Variants in RNF220 observed in about 807,000 individuals in gnomAD.
The protein encoded by RNF220 is E3 ubiquitin-protein ligase RNF220.
Under a neutral mutation model 67.1 loss-of-function variants are expected in RNF220, and 7 were observed. That is an observed-to-expected ratio of 0.10 (90% CI 0.06 to 0.20). The LOEUF (loss-of-function observed/expected upper bound fraction) is 0.20. Among genes scored for constraint, RNF220 ranks in the 10% least tolerant of loss-of-function variants. The pLI is 1.00. For synonymous variants in RNF220, 270 were observed against 283.2 expected, an observed-to-expected ratio of 0.95 and a Z score of 0.47; for missense variants, 565 against 740.3, an observed-to-expected ratio of 0.76 and a Z score of 2.75.
At position 44,645,602 on chromosome 1, in the gene RNF220, T is replaced by C; in HGVS notation, c.1445+114T>C. On this transcript the variant is annotated intron_variant, in intron 12 of 14. Transcript: ENST00000361799. The surrounding 1 kb of genome is among the most constrained non-coding windows in gnomAD (Gnocchi z 5.0). Reference sequence around the variant, plus strand: ...TCTGGCCCTCCCAAGTGCAGCTCAGTGCTGCTGCCCTGGGCACACGGCCGG... The same window carrying C: ...TCTGGCCCTCCCAAGTGCAGCTCAGCGCTGCTGCCCTGGGCACACGGCCGG... 4 of 1,039,622 alleles carry C rather than the reference T, an allele frequency of 3.8e-6. No homozygotes were observed. The South Asian group carries it at 5.7e-5, about 15-fold the overall frequency. 64.4% of individuals were successfully genotyped at this position (1,039,622 alleles called of 1,614,324 possible).
chr1:44,631,031 A>C (rs1198730184), intron 5 of RNF220, among the ~76,000 whole-genome samples: 1 of 152,224 alleles, frequency 6.6e-6, no homozygotes, highest in Non-Finnish European at 1.5e-5. Flanking sequence ...GAGAGCTCGT[A>C]AGATTATGTA....
chr1:44,650,131 TC>T lies in RNF220; in HGVS notation c.1629+178del. 2 of 659,398 alleles carry T rather than the reference TC, an allele frequency of 3.0e-6. No individual in the cohort carries two copies. The highest frequency in any genetic ancestry group is 5.1e-6 in the Non-Finnish European group (2 of 390,008). 40.8% of individuals were successfully genotyped at this position (659,398 alleles called of 1,614,324 possible). Reference sequence around the variant, plus strand: ...TTACCCCCAGGCTCGCTGCCTCTCCTCCCCAACTGCAGGTTTAGGAACTTCT... The same window carrying T: ...TTACCCCCAGGCTCGCTGCCTCTCCTCCCAACTGCAGGTTTAGGAACTTCT... On this transcript the variant is annotated intron_variant, in intron 14 of 14. Coordinates refer to ENST00000361799, the MANE Select transcript of RNF220 (RefSeq NM_018150.4). This position sits in a 1 kb window ranked among gnomAD's most constrained non-coding sequence, Gnocchi z 4.3.
intron 2 of RNF220, among the ~76,000 whole-genome samples, chr1:44,478,430 A>G (rs1572627196): frequency 6.7e-6 from 1 of 149,498 alleles, no homozygotes; most frequent in South Asian, 2.1e-4. Flanking sequence ...CAAAAAAAAA[A>G]GGGAAGAACT....
chr1:44,530,754 AG>A (rs1348160907), intron 2 of RNF220, among the ~76,000 whole-genome samples: 1 of 152,152 alleles, frequency 6.6e-6, no homozygotes, highest in Non-Finnish European at 1.5e-5. Context: ...TCATGAGGTC[AG>A]GAGTTCAAGA....
intron 2 of RNF220, among the ~76,000 whole-genome samples, chr1:44,470,301 A>G (rs1249678729): frequency 2.6e-5 from 4 of 152,254 alleles, no homozygotes; most frequent in Non-Finnish European, 4.4e-5. Context: ...GAGACAGATA[A>G]CAATGGAAGA....
At chr1:44,544,610 C>T (rs779925292) in intron 2 of RNF220, among the ~76,000 whole-genome samples, 1 of 152,304 alleles carries the variant, frequency 6.6e-6, no homozygotes, top group Middle Eastern at 3.4e-3. Flanking sequence ...AACTGTCCTC[C>T]GGAGAAGGAG....
chr1:44,520,128 T>A (rs1671333), intron 2 of RNF220, among the ~76,000 whole-genome samples: 7,346 of 113,142 alleles, frequency 0.065, 325 homozygotes, highest in South Asian at 0.12. Flanking sequence ...TGTGTGTGTG[T>A]GAGAGAGAGA....
intron 2 of RNF220, among the ~76,000 whole-genome samples, chr1:44,424,735 T>C (rs938920675): frequency 5.9e-5 from 9 of 152,196 alleles, no homozygotes; most frequent in African/African-American, 2.2e-4. Context: ...CCTCTGCCTG[T>C]CTTATTGCTG....
chr1:44,527,483 C>T (rs1660465836), intron 2 of RNF220, among the ~76,000 whole-genome samples: 1 of 152,058 alleles, frequency 6.6e-6, no homozygotes, highest in Admixed American at 6.6e-5. Context: ...TTAAGCCAGG[C>T]ACTATGATGT....
intron 2 of RNF220, among the ~76,000 whole-genome samples, chr1:44,520,621 T>C (rs534074863): frequency 5.6e-4 from 85 of 152,330 alleles, no homozygotes; most frequent in African/African-American, 1.8e-3. Flanking sequence ...AAAGTAAAAC[T>C]TCAAGTTCAA....
intron 2 of RNF220, among the ~76,000 whole-genome samples, chr1:44,599,883 A>G (rs1666796494): frequency 6.6e-6 from 1 of 152,210 alleles, no homozygotes; most frequent in Non-Finnish European, 1.5e-5. Flanking sequence ...AAGCAGCTGA[A>G]TGATAGGATC....
intron 2 of RNF220, among the ~76,000 whole-genome samples, chr1:44,474,101 G>T (rs1342182086): frequency 2.6e-5 from 4 of 152,128 alleles, no homozygotes; most frequent in Non-Finnish European, 5.9e-5. Context: ...TAGACCGGGT[G>T]TGGTAGCTCA....
At chr1:44,630,683 G>C in intron 5 of RNF220, among the ~76,000 whole-genome samples, 1 of 152,250 alleles carries the variant, frequency 6.6e-6, no homozygotes. Flanking sequence ...AGTCTTGCCA[G>C]AGTCCTGAAG....
chr1:44,492,314 G>A (rs7354900), intron 2 of RNF220, among the ~76,000 whole-genome samples: 121,812 of 152,042 alleles, frequency 0.8, 51,450 homozygotes, highest in Non-Finnish European at 0.92. Context: ...ATATGCTCCC[G>A]GGGGGGTGTA....
intron 2 of RNF220, among the ~76,000 whole-genome samples, chr1:44,574,425 A>T (rs564091018): frequency 1.3e-5 from 2 of 152,222 alleles, no homozygotes; most frequent in Non-Finnish European, 2.9e-5. Context: ...CCTGCAACTC[A>T]TGAGTATACT....
Position 44,631,217 on chromosome 1 carries a change from G to A in RNF220, c.907-1126G>A, listed in dbSNP as rs552386887. On this transcript the variant is annotated intron_variant, in intron 5 of 14. Transcript: ENST00000361799. The stretch of plus-strand genomic sequence containing the variant: ...AAACTTCACAAGCGATGATAACGGC[G>A]CAGAGATGAATGTACTCTTACACAA... Among the ~76,000 whole-genome samples the A allele has an allele frequency of 9.2e-5, 14 of 152,354 alleles. 1 individual carries two copies. Among genetic ancestry groups the A allele is most frequent in the East Asian group, 7.7e-4 (4 of 5,188 alleles).
chr1:44,554,078 T>C (rs1040436361), intron 2 of RNF220, among the ~76,000 whole-genome samples: 16 of 152,148 alleles, frequency 1.1e-4, no homozygotes, highest in Admixed American at 1.0e-3. Context: ...CAAGCTTGGT[T>C]GTTGGGGCAG....
In RNF220 at chr1:44,606,479, A is replaced by G. The variant is rs1464680270; in HGVS notation, c.626-7686A>G. Among the ~76,000 whole-genome samples, 1 of 152,220 alleles carries G rather than the reference A, an allele frequency of 6.6e-6. No individual in the cohort carries two copies. The highest frequency in any genetic ancestry group is 1.5e-5 in the Non-Finnish European group (1 of 68,038). ...TGGAGGGTAGATGGTTGTGCTATGT[A>G]TAAGATGAGTGGATGGGATGCTTTT... On this transcript the variant is annotated intron_variant, in intron 2 of 14. Coordinates refer to ENST00000361799, the MANE Select transcript of RNF220 (RefSeq NM_018150.4). The surrounding 1 kb of genome is among the most constrained non-coding windows in gnomAD (Gnocchi z 4.2).
intron 2 of RNF220, among the ~76,000 whole-genome samples, chr1:44,573,727 C>G (rs1363276520): frequency 6.6e-6 from 1 of 152,236 alleles, no homozygotes; most frequent in African/African-American, 2.4e-5. Context: ...GGACAAAAAA[C>G]TGAGCTTACT....
Sources: gnomAD v4.1 joint callset for allele counts (sites outside exome capture counted in the v4.1 genomes callset) on GRCh38, gnomAD v4.1.1 for gene constraint, Gnocchi (gnomAD v3.1) non-coding constraint, MANE v1.5 for transcripts, NCBI Gene and HGNC (gene_info 2026-07-23, HGNC 2026-07-21) for gene names.